Variants in MGAM observed in about 807,000 individuals in gnomAD.
MGAM encodes the protein maltase-glucoamylase, also known as alpha-1,4-glucosidase.
A neutral mutation model predicts 358.8 loss-of-function variants in MGAM; 253 were observed. The ratio of observed to expected loss-of-function variants is 0.71; its 90% confidence interval spans 0.64 to 0.78. MGAM has a LOEUF of 0.78. Among genes scored for constraint, MGAM ranks in the 30% least tolerant of loss-of-function variants. MGAM has a pLI of 0.00. For synonymous variants in MGAM, 1,105 were observed against 1,227.1 expected (o/e 0.90, Z 2.08); for missense variants, 3,080 against 3,432.6 (o/e 0.90, Z 2.57).
rs780443390 is a variant in MGAM, at chr7:142,092,067, T to C, written c.6945+20T>C. 2 of 1,543,610 alleles carry C rather than the reference T, an allele frequency of 1.3e-6. No homozygotes were observed. Among genetic ancestry groups the C allele is most frequent in the South Asian group, 1.1e-5 (1 of 87,034 alleles). ...TGGATTGTAAGTGTGTGTGTGTCTC[T>C]GTGTACCAGTGACACTTGTCTATCT... On this transcript the variant is annotated intron_variant, in intron 58 of 70. Transcript: ENST00000475668.
chr7:142,042,875 A>G lies in MGAM; in HGVS notation c.2498+2029A>G, dbSNP rs1450535885. 4.2e-5 allele frequency among the ~76,000 whole-genome samples: 2 copies of G among 48,090 alleles called. 1 individual carries two copies. The highest frequency in any genetic ancestry group is 7.8e-5 in the Non-Finnish European group (2 of 25,726). 31.5% of individuals were successfully genotyped at this position (48,090 alleles called of 152,430 possible). On this transcript the variant is annotated intron_variant, in intron 21 of 70. Coordinates refer to ENST00000475668, the MANE Select transcript of MGAM (RefSeq NM_001365693.1). ...AATATCTAAATATAATATCTACATT[A>G]TATATACATATAATATCTAAATATA... is the stretch of plus-strand genomic sequence containing the variant.
intron 8 of MGAM, among the ~76,000 whole-genome samples, chr7:142,026,878 AC>A (rs1278034290): frequency 6.6e-6 from 1 of 152,176 alleles, no homozygotes; most frequent in Non-Finnish European, 1.5e-5. Flanking sequence ...GGCACAAGAC[AC>A]TAAGACACTC....
At position 142,050,228 on chromosome 7, in the gene MGAM, C is replaced by T. The variant is rs1347986358; in HGVS notation, c.2588-7C>T. On this transcript the variant is annotated splice_region_variant and splice_polypyrimidine_tract_variant and intron_variant, in intron 22 of 70. Transcript: ENST00000475668. ...CAGAATCTGACTTGTCTTTCTCTCA[C>T]TTTCAGATACTGTGGCCAATAAAGT... 1.9e-5 allele frequency: 30 copies of T among 1,613,720 alleles called. No individual in the cohort carries two copies. Among genetic ancestry groups the T allele is most frequent in the Non-Finnish European group, 2.5e-5 (30 of 1,179,684 alleles).
At position 142,032,926 on chromosome 7, in the gene MGAM, A is replaced by C; in HGVS notation, c.1669+17A>C. The C allele has an allele frequency of 6.6e-7, 1 of 1,516,646 alleles. No homozygotes were observed. Among genetic ancestry groups the C allele is most frequent in the Non-Finnish European group, 9.1e-7 (1 of 1,097,720 alleles). 93.9% of individuals were successfully genotyped at this position (1,516,646 alleles called of 1,614,324 possible). A position where few individuals can be genotyped will look rare whatever the true frequency, so the allele number is the denominator to read the frequency against. On this transcript the variant is annotated intron_variant, in intron 14 of 70. Transcript: ENST00000475668. ...TCACTCCCAGTAAGTCTTGGTGGTC[A>C]GCAGATTAAAGTAGCCATATGTATT... is the stretch of plus-strand genomic sequence containing the variant.
Position 142,078,886 on chromosome 7 carries a change from C to T in MGAM, c.5725C>T (p.His1909Tyr), listed in dbSNP as rs567503066. 230 of 1,555,566 alleles carry T rather than the reference C, an allele frequency of 1.5e-4. 25 individuals carry two copies. In the East Asian group the frequency reaches 4.9e-3, roughly 33 times the overall value. ...YSVSDVQYNS[H>Y]GATADISLKS... ...TGTCAGTGATGTTCAGTATAACTCC[C>T]ATGGGGCCACAGCTGACATCTCCTT... The change falls in exon 49 of 71, where the codon CAT becomes TAT. Residue 1909 changes from histidine to tyrosine, a missense_variant. Coordinates refer to ENST00000475668, the MANE Select transcript of MGAM (RefSeq NM_001365693.1).
At chr7:142,005,791 T>C in intron 2 of MGAM, 134 bp downstream of exon 2, 1 of 863,660 alleles carries the variant, frequency 1.2e-6, no homozygotes, top group Non-Finnish European at 1.7e-6. Context: ...GTGTGTGTTC[T>C]ATGTGTTTTG....
At chr7:142,083,243 G>T in intron 52 of MGAM, 58 bp from the exon 53 acceptor site, 1 of 1,286,500 alleles carries the variant, frequency 7.8e-7, no homozygotes, top group East Asian at 2.5e-5. Flanking sequence ...GTGGATTTCA[G>T]GGGTGATTCA....
At chr7:141,988,761 T>C (rs1554446738) in intron 2 of MGAM, among the ~76,000 whole-genome samples, 1 of 152,184 alleles carries the variant, frequency 6.6e-6, no homozygotes, top group Non-Finnish European at 1.5e-5. Context: ...TCTGTGGTGG[T>C]GAAGAGGAAA....
chr7:142,105,351 A>C (rs1036748943), intron 70 of MGAM, among the ~76,000 whole-genome samples: 1 of 151,426 alleles, frequency 6.6e-6, no homozygotes, highest in African/African-American at 2.4e-5. Context: ...ACACTGGTGC[A>C]ATCTTAGCTC....
chr7:142,030,785 G>A, intron 12 of MGAM, 28 bp downstream of exon 12: 1 of 1,463,120 alleles, frequency 6.8e-7, no homozygotes, highest in East Asian at 2.3e-5. Context: ...CTGGAGGCTG[G>A]TGGAGGGGCT....
chr7:142,078,849 C>T lies in MGAM; in HGVS notation c.5688C>T (p.Asn1896=), dbSNP rs35584918. ...GAGTCCCTTTTTGCTATTTTGTCAA[C>T]GACCTATACTCTGTCAGTGATGTTC... The part of the protein sequence containing the change: ...SSGVPFCYFV[N]DLYSVSDVQY... Residue 1896 remains asparagine, a synonymous_variant, in exon 49 of 71, where the codon AAC becomes AAT. Transcript: ENST00000475668. 3.4e-3 allele frequency: 5,241 copies of T among 1,555,268 alleles called. 858 individuals carry two copies. The highest frequency in any genetic ancestry group is 3.9e-3 in the Non-Finnish European group (4,415 of 1,131,994).
At chr7:141,990,744 A>G (rs1448124880) in intron 2 of MGAM, among the ~76,000 whole-genome samples, 1 of 152,004 alleles carries the variant, frequency 6.6e-6, no homozygotes, top group Non-Finnish European at 1.5e-5. Context: ...GGTTAGTTAC[A>G]TATGTATACA....
intron 34 of MGAM, 107 bp from the exon 35 acceptor site, chr7:142,062,461 T>G: frequency 7.0e-7 from 1 of 1,420,678 alleles, no homozygotes; most frequent in South Asian, 1.4e-5. Context: ...TCAGGCTGTC[T>G]GTCACCATGC....
intron 47 of MGAM, among the ~76,000 whole-genome samples, chr7:142,078,102 C>G (rs1410337538): frequency 1.4e-5 from 2 of 146,104 alleles, no homozygotes; most frequent in African/African-American, 4.9e-5. Context: ...GTACAAGATT[C>G]TGCTAGAGGG....
intron 53 of MGAM, among the ~76,000 whole-genome samples, chr7:142,083,861 G>T (rs1402105837): frequency 7.0e-6 from 1 of 142,858 alleles, no homozygotes; most frequent in Non-Finnish European, 1.6e-5. Flanking sequence ...ACGATGATGG[G>T]GTGGTGATGG....
Position 142,034,317 on chromosome 7 carries a change from C to A in MGAM, c.1725C>A (p.His575Gln). 1 of 1,599,150 alleles carries A rather than the reference C, an allele frequency of 6.3e-7. No homozygotes were observed. The highest frequency in any genetic ancestry group is 8.5e-7 in the Non-Finnish European group (1 of 1,172,684). The change falls in exon 15 of 71, where the codon CAC (histidine) becomes CAA (glutamine). Residue 575 changes from histidine to glutamine, a missense_variant. Physicochemically the swap from His to Gln is conservative, Grantham distance 24. Transcript: ENST00000475668. Reference sequence around the variant, plus strand: ...CTCTCTGTATGGATGCAGTGCAGCACTGGGGCAAGCAGTATGACATTCACA... The same window carrying A: ...CTCTCTGTATGGATGCAGTGCAGCAATGGGGCAAGCAGTATGACATTCACA... ...CKTLCMDAVQ[H>Q]WGKQYDIHNL...
chr7:142,015,318 G>T (rs1353860834), intron 3 of MGAM, among the ~76,000 whole-genome samples: 1 of 152,046 alleles, frequency 6.6e-6, no homozygotes, highest in Non-Finnish European at 1.5e-5. Context: ...TTACTGTTAA[G>T]AGGCTTTGCT....
chr7:142,088,996 GTA>G (rs771119657), intron 57 of MGAM, among the ~76,000 whole-genome samples: 1 of 117,970 alleles, frequency 8.5e-6, no homozygotes, highest in African/African-American at 2.9e-5. Flanking sequence ...ATGTATGTAT[GTA>G]TCTATCTATC....
intron 10 of MGAM, among the ~76,000 whole-genome samples, chr7:142,029,718 C>T (rs1350291261): frequency 1.3e-5 from 2 of 152,034 alleles, no homozygotes; most frequent in African/African-American, 4.8e-5. Context: ...TTTGAATGTA[C>T]CTATGATATT....
Sources: allele counts gnomAD v4.1 joint callset (sites outside exome capture counted in the v4.1 genomes callset), GRCh38; gene constraint gnomAD v4.1.1; transcripts MANE v1.5; gene names NCBI Gene and HGNC (gene_info 2026-07-23, HGNC 2026-07-21).